The following ZNF117 variants were observed in gnomAD, a reference collection of about 807,000 sequenced individuals.
ZNF117 encodes the protein zinc finger protein 117, also known as Krueppel-related zinc finger protein.
In ZNF117, 37 loss-of-function variants were observed where a neutral mutation model predicts 41.2. That is an observed-to-expected ratio of 0.90 (90% CI 0.69 to 1.18). ZNF117 has a LOEUF of 1.18. Ranked by LOEUF, ZNF117 falls within the 50% of genes most tolerant of loss-of-function variation. ZNF117 has a pLI of 0.00. For synonymous variants in ZNF117, 186 were observed against 186.6 expected (o/e 1.00, Z 0.02); for missense variants, 546 against 557.5 (o/e 0.98, Z 0.21).
chr7:64,974,513 C>T (rs2129117547), exon 3 of ZNF117: 1 of 151,878 alleles, frequency 6.6e-6, no homozygotes, highest in Middle Eastern at 3.4e-3. Flanking sequence ...CAATATTGCT[C>T]TTTTCTTTTG....
At chr7:64,984,363 C>G (rs939281233), upstream of ZNF117, among the ~76,000 whole-genome samples, 3 of 152,204 alleles carry the variant, frequency 2.0e-5, no homozygotes, top group Admixed American at 6.5e-5. Context: ...AACTCCTGAC[C>G]TCAAGTGACC....
chr7:64,974,474 ATTACT>A (rs962599376), exon 3 of ZNF117: 31 of 151,886 alleles, frequency 2.0e-4, no homozygotes, highest in Admixed American at 6.6e-4. Flanking sequence ...TGTCTAGTAC[ATTACT>A]TTATTAAAAT....
exon 1 of ZNF117, chr7:64,990,533 G>A (rs747029305): frequency 1.5e-5 from 2 of 133,038 alleles, no homozygotes; most frequent in Non-Finnish European, 3.3e-5. Flanking sequence ...GCAGAACAAA[G>A]GCAGTTAATC....
At chr7:64,989,498 T>TATATAA (rs1786215848) in intron 1 of ZNF117, among the ~76,000 whole-genome samples, 1 of 76,826 alleles carries the variant, frequency 1.3e-5, no homozygotes, top group African/African-American at 4.7e-5. Flanking sequence ...TATATATATA[T>TATATAA]AAAACCTGAA....
intron 2 of ZNF117, chr7:64,980,955 A>G: frequency 6.7e-6 from 1 of 148,434 alleles, no homozygotes; most frequent in Non-Finnish European, 1.3e-5. Context: ...AATGGAATAT[A>G]CAGAAAAATA....
chr7:64,978,413 C>T, exon 3 of ZNF117: 1 of 1,613,634 alleles, frequency 6.2e-7, no homozygotes, highest in Non-Finnish European at 8.5e-7. Context: ...TGTGGGGATT[C>T]TCTCCAGTAT....
At chr7:64,977,061 TAG>T (rs1048574514) in exon 3 of ZNF117, 3 of 533,484 alleles carry the variant, frequency 5.6e-6, no homozygotes, top group Admixed American at 2.0e-5. Context: ...TTCACATTTG[TAG>T]AGTTTCTCTC....
chr7:64,988,879 G>A (rs1347665928), intron 1 of ZNF117, among the ~76,000 whole-genome samples: 3 of 152,052 alleles, frequency 2.0e-5, no homozygotes, highest in Non-Finnish European at 4.4e-5. Flanking sequence ...TAGAGATACA[G>A]CTAACCAGGG....
intron 1 of ZNF117, among the ~76,000 whole-genome samples, chr7:64,989,468 TATATATATATATATATA>T: frequency 1.0e-5 from 1 of 99,680 alleles, no homozygotes; most frequent in South Asian, 3.5e-4. Context: ...TATATATATA[TATATATATATATATATA>T]TATATATATA....
chr7:64,979,469 C>T (rs1357145922), exon 3 of ZNF117: 3 of 1,594,522 alleles, frequency 1.9e-6, no homozygotes, highest in Non-Finnish European at 2.6e-6. Flanking sequence ...TTCTTAGGGT[C>T]ACTTTCTGGA....
chr7:64,976,679 T>C, exon 3 of ZNF117: 1 of 296,322 alleles, frequency 3.4e-6, no homozygotes, highest in South Asian at 3.2e-5. Context: ...TTATCTTACC[T>C]ACAATCAAGT....
chr7:64,988,684 T>C (rs1237919849), intron 1 of ZNF117, among the ~76,000 whole-genome samples: 1 of 152,194 alleles, frequency 6.6e-6, no homozygotes. Flanking sequence ...GATGTAATTC[T>C]ATATATAGAA....
At chr7:64,982,171 C>A, upstream of ZNF117, 2 of 600,668 alleles carry the variant, frequency 3.3e-6, no homozygotes, top group Non-Finnish European at 5.7e-6. Context: ...TACCAAGTGG[C>A]CATGGGCATA....
downstream of ZNF117, chr7:64,973,277 T>C (rs1278051004): frequency 6.6e-6 from 1 of 152,016 alleles, no homozygotes; most frequent in Non-Finnish European, 1.5e-5. Flanking sequence ...AGATTCTGCA[T>C]GGAAATGTAT....
At position 64,978,257 on chromosome 7, in the gene ZNF117, A is replaced by C. The variant is rs201735356; in HGVS notation, c.1314T>G (p.Ile438Met). The C allele has an allele frequency of 8.2e-4, 1,312 of 1,595,532 alleles. 2 individuals carry two copies. Among genetic ancestry groups the C allele is most frequent in the Non-Finnish European group, 1.0e-3 (1,197 of 1,166,734 alleles). ...ATTTGTAGGGTTTCTCTCCAGTATG[A>C]ATTCTCTTATGTCCAATAAGGGTTG... The change falls in exon 3 of 3, where the codon ATT becomes ATG. Residue 438 changes from isoleucine to methionine, a missense_variant. By Grantham distance (10) the Ile-to-Met change is conservative (BLOSUM62 1). Coordinates refer to ENST00000620222, the Ensembl canonical transcript of ZNF117.
At chr7:64,990,198 T>C (rs772442235) in exon 1 of ZNF117, 3 of 152,198 alleles carry the variant, frequency 2.0e-5, no homozygotes, top group Non-Finnish European at 4.4e-5. Context: ...AAATTCACGT[T>C]GTTAATTATT....
At chr7:64,978,765 T>C in exon 3 of ZNF117, 2 of 1,613,266 alleles carry the variant, frequency 1.2e-6, no homozygotes, top group South Asian at 1.1e-5. Flanking sequence ...AGTATGAATG[T>C]ACTTATGTTC....
chr7:64,977,140 A>AT, exon 3 of ZNF117: 1 of 488,912 alleles, frequency 2.0e-6, no homozygotes, highest in East Asian at 6.1e-5. Flanking sequence ...CATTCTTTAC[A>AT]TTTGTACAGT....
chr7:64,981,600 T>G (rs1440270396), intron 1 of ZNF117, 118 bp from the exon 3 acceptor site: 1 of 903,946 alleles, frequency 1.1e-6, no homozygotes, highest in African/African-American at 1.8e-5. Flanking sequence ...CCCCAAATGC[T>G]AATTTATAAC....
Sources: gnomAD v4.1 joint callset for allele counts (sites outside exome capture counted in the v4.1 genomes callset) on GRCh38, gnomAD v4.1.1 for gene constraint, MANE v1.5 for transcripts, NCBI Gene and HGNC (gene_info 2026-07-23, HGNC 2026-07-21) for gene names.